The following ABHD12 variants were observed in gnomAD, a reference collection of about 807,000 sequenced individuals.
ABHD12 encodes the protein lysophosphatidylserine lipase ABHD12.
Under a neutral mutation model 58.3 loss-of-function variants are expected in ABHD12, and 43 were observed. The observed-to-expected ratio is 0.74, with a 90% CI of 0.58 to 0.95. The LOEUF is 0.95. ABHD12 is among the 40% of genes least tolerant of loss of function. ABHD12 has a pLI of 0.00. For synonymous variants in ABHD12, 219 were observed against 211.2 expected (o/e 1.04, Z -0.32); for missense variants, 539 against 537.2 (o/e 1.00, Z -0.03).
chr20:25,363,865 C>CA (rs1248623776), intron 1 of ABHD12, among the ~76,000 whole-genome samples: 1 of 151,022 alleles, frequency 6.6e-6, no homozygotes, highest in Non-Finnish European at 1.5e-5. Flanking sequence ...AACTCTGTCT[C>CA]AAAAAAACAA....
chr20:25,359,902 TTGTC>T (rs1231687844), intron 1 of ABHD12, among the ~76,000 whole-genome samples: 3 of 152,216 alleles, frequency 2.0e-5, no homozygotes, highest in African/African-American at 7.2e-5. Flanking sequence ...TGCTAAATCT[TTGTC>T]TGACATTATA....
At chr20:25,316,570 G>T (rs1056143973) in intron 5 of ABHD12, among the ~76,000 whole-genome samples, 1 of 152,264 alleles carries the variant, frequency 6.6e-6, no homozygotes, top group Non-Finnish European at 1.5e-5. Flanking sequence ...ACATTCTGAT[G>T]TTGGGGCCCA....
chr20:25,372,527 G>C (rs1200282720), intron 1 of ABHD12, among the ~76,000 whole-genome samples: 1 of 152,090 alleles, frequency 6.6e-6, no homozygotes, highest in Non-Finnish European at 1.5e-5. Context: ...TTTTATATCT[G>C]AAAACTTCAC....
chr20:25,365,074 T>C (rs1035280710), intron 1 of ABHD12, among the ~76,000 whole-genome samples: 1 of 152,276 alleles, frequency 6.6e-6, no homozygotes, highest in Non-Finnish European at 1.5e-5. Flanking sequence ...CTCATGTGGC[T>C]GGCTGCTGGT....
intron 1 of ABHD12, among the ~76,000 whole-genome samples, chr20:25,387,589 TTAAAAA>T (rs1165589693): frequency 5.9e-5 from 5 of 85,222 alleles, no homozygotes; most frequent in African/African-American, 9.8e-5. Flanking sequence ...TTCATCTCTA[TTAAAAA>T]AAAAAAAAAA....
At chr20:25,302,760 AG>A (rs974757096) in intron 11 of ABHD12, among the ~76,000 whole-genome samples, 4 of 152,172 alleles carry the variant, frequency 2.6e-5, no homozygotes, top group African/African-American at 9.6e-5. Context: ...CGGCAAGGGT[AG>A]GTGGGCCTGA....
chr20:25,312,602 C>T (rs1423768603), intron 6 of ABHD12, among the ~76,000 whole-genome samples: 3 of 152,226 alleles, frequency 2.0e-5, no homozygotes, highest in Admixed American at 6.5e-5. Flanking sequence ...GGCCGCCACC[C>T]CGTCTGGGAA....
At chr20:25,334,828 G>C (rs1357985874) in intron 2 of ABHD12, among the ~76,000 whole-genome samples, 1 of 147,460 alleles carries the variant, frequency 6.8e-6, no homozygotes, top group Admixed American at 6.8e-5. Flanking sequence ...AGACTTAAAC[G>C]TTAGACCTAA....
chr20:25,390,490 C>A (rs971050629), intron 1 of ABHD12, 23 bp downstream of exon 1: 8 of 1,339,594 alleles, frequency 6.0e-6, no homozygotes, highest in African/African-American at 4.8e-5. Context: ...CCCCCCCCCC[C>A]CCCGCTCCGC....
chr20:25,342,454 A>ATTT (rs11477444), intron 1 of ABHD12, among the ~76,000 whole-genome samples: 1 of 142,320 alleles, frequency 7.0e-6, no homozygotes, highest in Non-Finnish European at 1.5e-5. Context: ...CAGATACCAC[A>ATTT]TTTTTTTTTT....
At chr20:25,303,302 A>G (rs1568710566) in intron 11 of ABHD12, 1 of 1,369,084 alleles carries the variant, frequency 7.3e-7, no homozygotes. Flanking sequence ...TATTTTTCAT[A>G]TTCTTGGAGA....
chr20:25,386,604 G>C (rs1227064680), intron 1 of ABHD12, among the ~76,000 whole-genome samples: 2 of 152,018 alleles, frequency 1.3e-5, no homozygotes, highest in African/African-American at 4.8e-5. Context: ...AATAGGCCAG[G>C]TGCGGTGGCT....
intron 6 of ABHD12, among the ~76,000 whole-genome samples, chr20:25,312,487 G>A (rs2088869303): frequency 6.6e-6 from 1 of 152,136 alleles, no homozygotes; most frequent in Non-Finnish European, 1.5e-5. Context: ...AGTGCTCAAT[G>A]TTGCCCAGGC....
chr20:25,296,908 G>A, downstream of ABHD12: 1 of 183,494 alleles, frequency 5.4e-6, no homozygotes, highest in South Asian at 1.1e-4. Context: ...GTCTGGGCCA[G>A]TGGCCATAGT....
chr20:25,381,379 C>A (rs952213345), intron 1 of ABHD12, among the ~76,000 whole-genome samples: 1 of 152,136 alleles, frequency 6.6e-6, no homozygotes, highest in African/African-American at 2.4e-5. Context: ...ACTGCAACGG[C>A]CTCAGCATTC....
At chr20:25,364,707 G>A (rs1052544013) in intron 1 of ABHD12, among the ~76,000 whole-genome samples, 1 of 152,198 alleles carries the variant, frequency 6.6e-6, no homozygotes, top group African/African-American at 2.4e-5. Flanking sequence ...ACTAAATTAA[G>A]ATGACACATA....
downstream of ABHD12, chr20:25,297,430 C>T (rs942913231): frequency 2.0e-5 from 3 of 152,552 alleles, no homozygotes; most frequent in Admixed American, 6.5e-5. Context: ...CCGCTGACTC[C>T]TGCTGTGTCC....
At position 25,368,324 on chromosome 20, in the gene ABHD12, T is replaced by C; in HGVS notation, c.191+22189A>G. 6.5e-6 allele frequency: 10 copies of C among 1,548,606 alleles called. No homozygotes were observed. In the South Asian group the frequency reaches 8.9e-5, roughly 14 times the overall value. Reference sequence around the variant, plus strand: ...GGTGATCTTCTTGCTGGTCTTGCCATTCCTGGAACCACAGCGCTCCATGGC... The same window carrying C: ...GGTGATCTTCTTGCTGGTCTTGCCACTCCTGGAACCACAGCGCTCCATGGC... On this transcript the variant is annotated intron_variant, in intron 1 of 12. Transcript: ENST00000339157.
intron 6 of ABHD12, among the ~76,000 whole-genome samples, chr20:25,312,357 T>C (rs1323615099): frequency 6.6e-6 from 1 of 152,148 alleles, no homozygotes; most frequent in Non-Finnish European, 1.5e-5. Flanking sequence ...TTTCGTATTT[T>C]TTTGGTGGAG....
Sources: gnomAD v4.1 joint callset for allele counts (sites outside exome capture counted in the v4.1 genomes callset) on GRCh38, gnomAD v4.1.1 for gene constraint, MANE v1.5 for transcripts, NCBI Gene and HGNC (gene_info 2026-07-23, HGNC 2026-07-21) for gene names.